Variants in TENM2 observed in about 807,000 individuals in gnomAD.
TENM2 encodes teneurin transmembrane protein 2, also known as teneurin-2.
In TENM2, 52 loss-of-function variants were observed where a neutral mutation model predicts 245.2. That is an observed-to-expected ratio of 0.21 (90% CI 0.17 to 0.27). The LOEUF (loss-of-function observed/expected upper bound fraction) is 0.27, where lower values mean the gene tolerates loss of function less well. TENM2 is among the 10% of genes least tolerant of loss of function. The pLI is 1.00. For synonymous variants in TENM2, 1,363 were observed against 1,438.9 expected (o/e 0.95, Z 1.19); for missense variants, 3,046 against 3,666.8 (o/e 0.83, Z 4.37).
At chr5:167,411,621 A>G (rs1015730314) in intron 2 of TENM2, among the ~76,000 whole-genome samples, 1 of 143,934 alleles carries the variant, frequency 6.9e-6, no homozygotes, top group Non-Finnish European at 1.5e-5. Context: ...TGTATGTGAG[A>G]GAGAGAGAGA....
chr5:167,465,755 C>T (rs1420040205), intron 2 of TENM2, among the ~76,000 whole-genome samples: 2 of 152,078 alleles, frequency 1.3e-5, no homozygotes, highest in Non-Finnish European at 2.9e-5. Flanking sequence ...GGCGTGAACC[C>T]GGGAGGCGGA....
chr5:166,979,191 CCACCAGCAG>C, the TENM2 span, among the ~76,000 whole-genome samples: 1,711 of 85,256 alleles, frequency 0.02, 13 homozygotes, highest in Non-Finnish European at 0.027. Flanking sequence ...AGCAGCACCA[CCACCAGCAG>C]CAGCAGCAGC....
chr5:167,633,065 T>C (rs958717801), intron 2 of TENM2, among the ~76,000 whole-genome samples: 5 of 152,128 alleles, frequency 3.3e-5, no homozygotes, highest in Non-Finnish European at 7.4e-5. Context: ...TATGAGAAAG[T>C]TTAATTTTGG....
Position 167,364,870 on chromosome 5 carries a change from A to T in TENM2, c.227-10328A>T, listed in dbSNP as rs147683631. Among the ~76,000 whole-genome samples, 222 of 152,182 alleles carry T rather than the reference A, an allele frequency of 1.5e-3. 2 individuals carry two copies. In the East Asian group the frequency reaches 0.019, roughly 13 times the overall value. ...AGGAGGAAAGAGAAAAAAAAACTAC[A>T]GATTTAACTCTTTTCTCAGTAACTG... On this transcript the variant is annotated intron_variant, in intron 1 of 28. Transcript: ENST00000518659.
intron 3 of TENM2, among the ~76,000 whole-genome samples, chr5:167,942,835 C>A (rs1779297630): frequency 6.6e-6 from 1 of 152,138 alleles, no homozygotes; most frequent in Admixed American, 6.6e-5. Flanking sequence ...CAATTACCAG[C>A]AAAATCCAGA....
At chr5:167,905,218 G>A (rs1016311105) in intron 3 of TENM2, among the ~76,000 whole-genome samples, 20 of 152,190 alleles carry the variant, frequency 1.3e-4, no homozygotes, top group African/African-American at 4.6e-4. Flanking sequence ...TCCATTTCCC[G>A]ACAGTTCGGA....
At position 168,211,737 on chromosome 5, in the gene TENM2, TAA is replaced by T. The variant is rs1762818088; in HGVS notation, c.3830_3831del (p.Lys1277ArgfsTer3). The T allele has an allele frequency of 7.5e-7, 1 of 1,329,170 alleles. No homozygotes were observed. 82.3% of individuals were successfully genotyped at this position (1,329,170 alleles called of 1,614,324 possible). ...TTTCTGTTTTCTTTCTATAAAGAAA[TAA>T]AGAGTTTAAACATAGGTAAGATGAA... is the stretch of plus-strand genomic sequence containing the variant. On this transcript the variant is annotated frameshift_variant, in exon 20 of 29. Coordinates refer to ENST00000518659, the Ensembl canonical transcript of TENM2. LOFTEE classifies it high-confidence loss of function.
chr5:167,688,608 C>G (rs1313028566), intron 2 of TENM2, among the ~76,000 whole-genome samples: 1 of 152,186 alleles, frequency 6.6e-6, no homozygotes, highest in African/African-American at 2.4e-5. Context: ...GTGTATTGCA[C>G]CATGTCCTAG....
At chr5:167,843,565 G>C (rs1342256426) in intron 2 of TENM2, among the ~76,000 whole-genome samples, 2 of 152,118 alleles carry the variant, frequency 1.3e-5, no homozygotes, top group Non-Finnish European at 2.9e-5. Context: ...TGTAGGGTTG[G>C]TGGGGGAGGG....
At chr5:167,357,069 AT>A (rs927006421) in intron 1 of TENM2, among the ~76,000 whole-genome samples, 12 of 151,958 alleles carry the variant, frequency 7.9e-5, no homozygotes, top group Non-Finnish European at 1.3e-4. Flanking sequence ...TCAAGTCGAC[AT>A]TTTTTTTAAA....
At chr5:167,843,576 G>A (rs573647216) in intron 2 of TENM2, among the ~76,000 whole-genome samples, 1 of 151,842 alleles carries the variant, frequency 6.6e-6, no homozygotes, top group Non-Finnish European at 1.5e-5. Flanking sequence ...TGGGGGAGGG[G>A]GTACAAAATA....
intron 9 of TENM2, among the ~76,000 whole-genome samples, chr5:168,108,085 C>T (rs965963207): frequency 2.6e-5 from 4 of 152,158 alleles, no homozygotes; most frequent in Admixed American, 6.5e-5. Context: ...TGAAATATGG[C>T]TTGAAAATGT....
intron 5 of TENM2, among the ~76,000 whole-genome samples, chr5:168,005,520 G>A (rs867440138): frequency 1.1e-4 from 16 of 152,222 alleles, no homozygotes; most frequent in Admixed American, 3.3e-4. Flanking sequence ...ATTCCACAAA[G>A]CAACAAAACC....
chr5:168,198,773 C>T, intron 15 of TENM2, 80 bp from the exon 18 acceptor site: 1 of 1,527,596 alleles, frequency 6.5e-7, no homozygotes, highest in African/African-American at 1.4e-5. Flanking sequence ...ATCGCATGGC[C>T]ATCAGGGGAG....
chr5:168,215,915 C>T (rs777300666), intron 21 of TENM2, among the ~76,000 whole-genome samples: 5 of 152,156 alleles, frequency 3.3e-5, no homozygotes, highest in Non-Finnish European at 7.3e-5. Flanking sequence ...TGTATGAAGT[C>T]GAAAGTGCAG....
At chr5:168,175,570 C>G (rs369768157) in intron 13 of TENM2, among the ~76,000 whole-genome samples, 4 of 152,198 alleles carry the variant, frequency 2.6e-5, no homozygotes, top group African/African-American at 9.7e-5. Context: ...AGCTGAGGGC[C>G]TAGAGGTTAA....
intron 25 of TENM2, among the ~76,000 whole-genome samples, chr5:168,241,421 ATTTT>A (rs752333194): frequency 7.5e-6 from 1 of 133,086 alleles, no homozygotes; most frequent in Non-Finnish European, 1.6e-5. Flanking sequence ...TGCTTGGCTA[ATTTT>A]TTTTTTTTTT....
chr5:167,696,814 C>G (rs1757797789), intron 2 of TENM2, among the ~76,000 whole-genome samples: 1 of 152,140 alleles, frequency 6.6e-6, no homozygotes, highest in Non-Finnish European at 1.5e-5. Context: ...TTGCACCTCC[C>G]TGGAACCATT....
At chr5:167,591,734 G>A (rs1329738241) in intron 2 of TENM2, among the ~76,000 whole-genome samples, 2 of 152,192 alleles carry the variant, frequency 1.3e-5, no homozygotes, top group African/African-American at 4.8e-5. Context: ...GTGTACCACA[G>A]AAAGGATGCG....
Sources: allele counts gnomAD v4.1 joint callset (sites outside exome capture counted in the v4.1 genomes callset), GRCh38; gene constraint gnomAD v4.1.1; transcripts MANE v1.5; gene names NCBI Gene and HGNC (gene_info 2026-07-23, HGNC 2026-07-21).